The following DLG2 variants were observed in gnomAD, a reference collection of about 807,000 sequenced individuals.
DLG2 encodes the protein disks large homolog 2.
In DLG2, 45 loss-of-function variants were observed where a neutral mutation model predicts 132.5. That is an observed-to-expected ratio of 0.34 (90% CI 0.27 to 0.44). The LOEUF is 0.44. Among genes scored for constraint, DLG2 ranks in the 20% least tolerant of loss-of-function variants. DLG2 has a pLI of 1.00. For synonymous variants in DLG2, 424 were observed against 419.6 expected (o/e 1.01, Z -0.13); for missense variants, 1,045 against 1,196.9 (o/e 0.87, Z 1.87).
At chr11:85,359,618 C>T (rs1211607448) in intron 3 of DLG2, among the ~76,000 whole-genome samples, 1 of 152,090 alleles carries the variant, frequency 6.6e-6, no homozygotes, top group African/African-American at 2.4e-5. Context: ...ATATGCACAA[C>T]AAATAATTGT....
chr11:84,144,203 A>G (rs1168018883), intron 9 of DLG2, among the ~76,000 whole-genome samples: 2 of 152,170 alleles, frequency 1.3e-5, no homozygotes, highest in African/African-American at 2.4e-5. Flanking sequence ...AGCTTTCTGT[A>G]ATAAAAATTC....
intron 18 of DLG2, among the ~76,000 whole-genome samples, chr11:83,736,829 T>G (rs780514926): frequency 6.6e-6 from 1 of 152,122 alleles, no homozygotes; most frequent in African/African-American, 2.4e-5. Flanking sequence ...TGAATCAGAG[T>G]GCAGCAAAGT....
chr11:84,426,817 T>G (rs1402036410), intron 7 of DLG2, among the ~76,000 whole-genome samples: 1 of 152,120 alleles, frequency 6.6e-6, no homozygotes, highest in Non-Finnish European at 1.5e-5. Context: ...ATGTCTTAAC[T>G]GGCACTCACG....
At chr11:85,077,019 T>C (rs1046307304) in intron 6 of DLG2, among the ~76,000 whole-genome samples, 5 of 152,160 alleles carry the variant, frequency 3.3e-5, no homozygotes, top group Admixed American at 2.6e-4. Context: ...ACCTCAGTTA[T>C]TGAACCTCAA....
chr11:84,566,482 C>A (rs925897419), intron 6 of DLG2, among the ~76,000 whole-genome samples: 1 of 152,196 alleles, frequency 6.6e-6, no homozygotes, highest in Non-Finnish European at 1.5e-5. Context: ...TCTCTCTCAT[C>A]TGTCTACCTG....
rs2099572500 is a variant in DLG2 at position 84,600,159 on chromosome 11, G to GAAA, written c.358-65429_358-65428insTTT. Among the ~76,000 whole-genome samples, 397 of 96,144 alleles carry GAAA rather than the reference G, an allele frequency of 4.1e-3. 1 individual carries two copies. Among genetic ancestry groups the GAAA allele is most frequent in the Non-Finnish European group, 6.0e-3 (297 of 49,248 alleles). 63.1% of individuals were successfully genotyped at this position (96,144 alleles called of 152,430 possible). A position where few individuals can be genotyped will look rare whatever the true frequency, so the allele number is the denominator to read the frequency against. Reference sequence around the variant, plus strand: ...AAGAAAGAAGGAAAGAAAGAAAGAAGGAAAGAAAGAAAGAAAGAAAGAAAG... The same window carrying GAAA: ...AAGAAAGAAGGAAAGAAAGAAAGAAGAAAGAAAGAAAGAAAGAAAGAAAGAAAG... On this transcript the variant is annotated intron_variant, in intron 6 of 27. Transcript: ENST00000376104.
chr11:85,444,237 T>C (rs993491656), intron 3 of DLG2, among the ~76,000 whole-genome samples: 1 of 152,018 alleles, frequency 6.6e-6, no homozygotes, highest in Non-Finnish European at 1.5e-5. Context: ...TCAAGAAATC[T>C]AAAAATATAA....
At chr11:84,205,315 T>G (rs1427941175) in intron 8 of DLG2, among the ~76,000 whole-genome samples, 3 of 152,142 alleles carry the variant, frequency 2.0e-5, no homozygotes, top group African/African-American at 7.2e-5. Context: ...ATATTCCTCT[T>G]TGAGTAATTG....
chr11:85,317,937 C>T (rs1199011626), intron 3 of DLG2, among the ~76,000 whole-genome samples: 1 of 151,786 alleles, frequency 6.6e-6, no homozygotes, highest in Non-Finnish European at 1.5e-5. Context: ...GGATATATTT[C>T]ATGTAAGTGT....
chr11:83,963,566 C>A (rs2089430642), intron 13 of DLG2, among the ~76,000 whole-genome samples: 1 of 151,926 alleles, frequency 6.6e-6, no homozygotes, highest in Non-Finnish European at 1.5e-5. Flanking sequence ...GGGTCTCTTG[C>A]TCCTTTCTCT....
At chr11:84,948,848 G>A (rs1301361844) in intron 6 of DLG2, among the ~76,000 whole-genome samples, 1 of 152,102 alleles carries the variant, frequency 6.6e-6, no homozygotes, top group African/African-American at 2.4e-5. Flanking sequence ...TGTAAAATAA[G>A]AAAAATAAAG....
chr11:84,025,289 G>C (rs1361132677), intron 11 of DLG2, among the ~76,000 whole-genome samples: 2 of 152,106 alleles, frequency 1.3e-5, no homozygotes, highest in Non-Finnish European at 2.9e-5. Flanking sequence ...CAGTCAAAGA[G>C]AGACTTGTTC....
chr11:84,591,276 A>T (rs1186156445), intron 6 of DLG2, among the ~76,000 whole-genome samples: 1 of 122,496 alleles, frequency 8.2e-6, no homozygotes, highest in Admixed American at 8.8e-5. Flanking sequence ...TCTCCACTAC[A>T]TAATATTGAT....
At chr11:83,848,690 A>C (rs373193869) in intron 16 of DLG2, among the ~76,000 whole-genome samples, 31 of 152,326 alleles carry the variant, frequency 2.0e-4, no homozygotes, top group African/African-American at 7.0e-4. Flanking sequence ...GATTCTCCTA[A>C]CAATATGAAG....
At chr11:84,165,532 G>A (rs1044824942) in intron 8 of DLG2, among the ~76,000 whole-genome samples, 15 of 152,212 alleles carry the variant, frequency 9.9e-5, no homozygotes, top group African/African-American at 3.4e-4. Context: ...AATATCATTT[G>A]TCTAATTCAA....
chr11:84,066,985 G>C (rs912664590), intron 10 of DLG2, among the ~76,000 whole-genome samples: 1 of 152,124 alleles, frequency 6.6e-6, no homozygotes, highest in Admixed American at 6.6e-5. Flanking sequence ...GTGTAAAAAT[G>C]CATGATGAAA....
intron 8 of DLG2, among the ~76,000 whole-genome samples, chr11:84,208,220 T>C (rs1445409396): frequency 1.3e-5 from 2 of 152,168 alleles, no homozygotes; most frequent in Non-Finnish European, 2.9e-5. Flanking sequence ...TGCCTGCAAC[T>C]CCTGTCTCCC....
At chr11:85,460,218 C>A (rs1454635055) in intron 3 of DLG2, among the ~76,000 whole-genome samples, 1 of 152,176 alleles carries the variant, frequency 6.6e-6, no homozygotes, top group Non-Finnish European at 1.5e-5. Context: ...ATGAAGGGAG[C>A]CCGACCTCTC....
intron 18 of DLG2, among the ~76,000 whole-genome samples, chr11:83,695,766 A>T (rs1182951600): frequency 6.6e-6 from 1 of 152,006 alleles, no homozygotes; most frequent in Non-Finnish European, 1.5e-5. Flanking sequence ...AAAAAAAGAA[A>T]ATCCCCTGTC....
Sources: gnomAD v4.1 joint callset for allele counts (sites outside exome capture counted in the v4.1 genomes callset) on GRCh38, gnomAD v4.1.1 for gene constraint, MANE v1.5 for transcripts, NCBI Gene and HGNC (gene_info 2026-07-23, HGNC 2026-07-21) for gene names.